ARSG: variants seen among roughly 807,000 people sequenced by gnomAD.
ARSG encodes arylsulfatase G, also known as ASG.
Under a neutral mutation model 50.5 loss-of-function variants are expected in ARSG, and 37 were observed. The ratio of observed to expected loss-of-function variants is 0.73; its 90% CI spans 0.56 to 0.96. The LOEUF (loss-of-function observed/expected upper bound fraction) is 0.96, where lower values mean the gene tolerates loss of function less well. Among genes scored for constraint, ARSG ranks in the 50% least tolerant of loss-of-function variants. The pLI is 0.00. For missense variants in ARSG, 629 were observed against 675.3 expected, an observed-to-expected ratio of 0.93 and a Z score of 0.76; for synonymous variants, 225 against 254.6, an observed-to-expected ratio of 0.88 and a Z score of 1.11.
At chr17:68,418,860 T>C (rs1380618809) in intron 11 of ARSG, among the ~76,000 whole-genome samples, 2 of 152,188 alleles carry the variant, frequency 1.3e-5, no homozygotes, top group African/African-American at 4.8e-5. Flanking sequence ...AGTTTCTATC[T>C]CATTAATGTT....
chr17:68,419,738 T>C (rs1005502425), intron 11 of ARSG, among the ~76,000 whole-genome samples: 11 of 151,350 alleles, frequency 7.3e-5, no homozygotes, highest in African/African-American at 2.7e-4. Context: ...GACAGGAGGA[T>C]TGCTTGAGGC....
chr17:68,426,346 AT>A (rs1237730367), downstream of ARSG, among the ~76,000 whole-genome samples: 6 of 151,828 alleles, frequency 4.0e-5, no homozygotes, highest in Non-Finnish European at 7.4e-5. Flanking sequence ...ACCATCTGCC[AT>A]CTTTAAGCCT....
downstream of ARSG, among the ~76,000 whole-genome samples, chr17:68,425,206 C>G (rs180902946): frequency 1.2e-4 from 19 of 152,206 alleles, no homozygotes; most frequent in Admixed American, 7.8e-4. Flanking sequence ...CACACAATTG[C>G]TTTTCTTTTC....
the ARSG span, among the ~76,000 whole-genome samples, chr17:68,432,838 G>T: frequency 5.3e-5 from 8 of 152,184 alleles, no homozygotes; most frequent in Non-Finnish European, 1.0e-4. Flanking sequence ...ACTGGGGGCT[G>T]CTCCTTTCTC....
At chr17:68,331,233 GTTTCTTTCTTTCTTTCTTTC>G (rs869049629) in intron 2 of ARSG, among the ~76,000 whole-genome samples, 1 of 84,926 alleles carries the variant, frequency 1.2e-5, no homozygotes, top group Non-Finnish European at 2.2e-5. Context: ...TTCTTTCTTT[GTTTCTTTCTTTCTTTCTTTC>G]TTTCTTTCTT....
At chr17:68,365,853 T>G (rs1255441018) in intron 6 of ARSG, among the ~76,000 whole-genome samples, 1 of 152,198 alleles carries the variant, frequency 6.6e-6, no homozygotes, top group Non-Finnish European at 1.5e-5. Context: ...AATAACCCCA[T>G]GAGCCTACAT....
intron 2 of ARSG, among the ~76,000 whole-genome samples, chr17:68,323,198 A>T (rs183174112): frequency 3.9e-4 from 59 of 152,206 alleles, no homozygotes; most frequent in African/African-American, 1.3e-3. Flanking sequence ...CTCTCATTTG[A>T]TCCTTGCAGG....
the ARSG span, among the ~76,000 whole-genome samples, chr17:68,445,166 C>T: frequency 1.3e-5 from 2 of 152,156 alleles, no homozygotes; most frequent in African/African-American, 2.4e-5. Flanking sequence ...GTGATCTGCC[C>T]GCCTCGGCCT....
chr17:68,364,151 C>A (rs1165080598), intron 6 of ARSG, among the ~76,000 whole-genome samples: 1 of 152,176 alleles, frequency 6.6e-6, no homozygotes, highest in Admixed American at 6.5e-5. Context: ...ATCTTCTCCA[C>A]ACCCTGTCTC....
At chr17:68,393,685 G>A (rs6501423) in intron 9 of ARSG, among the ~76,000 whole-genome samples, 20,753 of 151,770 alleles carry the variant, frequency 0.14, 2,562 homozygotes, top group East Asian at 0.37. Flanking sequence ...TGGCCAACAC[G>A]GCGAAACCCC....
At chr17:68,441,383 A>T in the ARSG span, among the ~76,000 whole-genome samples, 1 of 152,254 alleles carries the variant, frequency 6.6e-6, no homozygotes, top group Non-Finnish European at 1.5e-5. Context: ...GTCAAAATGC[A>T]TTCAGGATTT....
At chr17:68,283,000 T>C (rs60707214) in intron 1 of ARSG, 2,132 of 151,290 alleles carry the variant, frequency 0.014, 49 homozygotes, top group African/African-American at 0.05. Flanking sequence ...CACATACCTG[T>C]AGTCCCAGCC....
At chr17:68,433,760 G>GTTGTTTT in the ARSG span, among the ~76,000 whole-genome samples, 1 of 72,814 alleles carries the variant, frequency 1.4e-5, no homozygotes. Context: ...AAGGGTCATA[G>GTTGTTTT]TTTTTTTTTT....
downstream of ARSG, chr17:68,427,601 C>G (rs2083284326): frequency 5.5e-6 from 1 of 180,280 alleles, no homozygotes; most frequent in Non-Finnish European, 1.2e-5. Context: ...AGGTGATCCG[C>G]CCGCCAACTC....
chr17:68,287,578 T>C (rs1193814380), upstream of ARSG, among the ~76,000 whole-genome samples: 1 of 152,192 alleles, frequency 6.6e-6, no homozygotes, highest in Non-Finnish European at 1.5e-5. Flanking sequence ...TAGAGCCACA[T>C]ATAACTTTCA....
chr17:68,410,784 A>G (rs2081964351), intron 11 of ARSG, among the ~76,000 whole-genome samples: 1 of 152,144 alleles, frequency 6.6e-6, no homozygotes, highest in Non-Finnish European at 1.5e-5. Flanking sequence ...ACTATTGATT[A>G]TTGCCACAAT....
At chr17:68,272,138 A>T (rs1227297391) in intron 1 of ARSG, among the ~76,000 whole-genome samples, 14 of 152,120 alleles carry the variant, frequency 9.2e-5, no homozygotes, top group African/African-American at 3.4e-4. Context: ...GGTTTTTGCC[A>T]TGTTGGCCAG....
intron 2 of ARSG, among the ~76,000 whole-genome samples, chr17:68,323,139 G>T (rs895309600): frequency 6.6e-6 from 1 of 151,706 alleles, no homozygotes; most frequent in African/African-American, 2.4e-5. Context: ...AACAGATTTC[G>T]AATTAACATC....
intron 9 of ARSG, among the ~76,000 whole-genome samples, chr17:68,388,548 G>A (rs758473303): frequency 1.3e-5 from 2 of 152,268 alleles, no homozygotes; most frequent in Non-Finnish European, 1.5e-5. Flanking sequence ...CCTCTGCTCC[G>A]AATGAGGATC....
Sources: gnomAD v4.1 joint callset for allele counts (sites outside exome capture counted in the v4.1 genomes callset) on GRCh38, gnomAD v4.1.1 for gene constraint, MANE v1.5 for transcripts, NCBI Gene and HGNC (gene_info 2026-07-23, HGNC 2026-07-21) for gene names.